The following PER1 variants were observed in gnomAD, a reference collection of about 807,000 sequenced individuals.
PER1 encodes period circadian protein homolog 1.
In PER1, 87 loss-of-function variants were observed where a neutral mutation model predicts 125.9. The ratio of observed to expected loss-of-function variants is 0.69; its 90% CI spans 0.58 to 0.83. The LOEUF (loss-of-function observed/expected upper bound fraction) is 0.83, where lower values mean the gene tolerates loss of function less well. Among genes scored for constraint, PER1 ranks in the 40% least tolerant of loss-of-function variants. The pLI, the probability that PER1 is intolerant of heterozygous loss-of-function variation, is 0.00. For missense variants in PER1, 1,775 were observed against 1,722.8 expected (o/e 1.03, Z -0.54); for synonymous variants, 801 against 714.7 (o/e 1.12, Z -1.93).
At chr17:8,151,327 T>A (rs910594298) in intron 1 of PER1, among the ~76,000 whole-genome samples, 17 of 152,156 alleles carry the variant, frequency 1.1e-4, no homozygotes, top group Non-Finnish European at 1.9e-4. Context: ...GAAACCGACG[T>A]CAGCTGCTGA....
At chr17:8,141,734 GC>G (rs1982090641) in intron 22 of PER1, 70 bp downstream of exon 22, 1 of 1,540,536 alleles carries the variant, frequency 6.5e-7, no homozygotes, top group Non-Finnish European at 8.8e-7. Context: ...TTGAACTTGA[GC>G]TCAATTCTTT....
At chr17:8,147,175 G>A (rs1982504301) in intron 13 of PER1, 75 bp downstream of exon 13, 2 of 1,525,474 alleles carry the variant, frequency 1.3e-6, no homozygotes, top group Admixed American at 2.0e-5. Flanking sequence ...GCAAGACTCT[G>A]GGACTGGCAG....
Position 8,141,947 on chromosome 17 carries a change from G to A in PER1, c.3458C>T (p.Thr1153Ile). ...CTCCCGATCCTGCTTCAGCACAGAG[G>A]TCATGTCCCTGCCCAAGAAGGGGTT... ...MTYQVPSRDM[T>I]SVLKQDRERL... Residue 1153 changes from threonine to isoleucine, a missense_variant, in exon 22 of 23, where the codon ACC becomes ATC. Thr to Ile is a moderately conservative substitution (Grantham distance 89, BLOSUM62 -1). Coordinates refer to ENST00000317276, the MANE Select transcript of PER1 (RefSeq NM_002616.3). 2 of 1,613,958 alleles carry A rather than the reference G, an allele frequency of 1.2e-6. No homozygotes were observed. The highest frequency in any genetic ancestry group is 8.5e-7 in the Non-Finnish European group (1 of 1,180,024).
chr17:8,149,081 T>A, intron 7 of PER1, 178 bp downstream of exon 7: 1 of 653,616 alleles, frequency 1.5e-6, no homozygotes, highest in Non-Finnish European at 2.7e-6. Context: ...CCCAGCTACT[T>A]GGGAGGCTGA....
At position 8,145,946 on chromosome 17, in the gene PER1, C is replaced by A. The variant is rs1211898553; in HGVS notation, c.2218+12G>T. On this transcript the variant is annotated intron_variant, in intron 17 of 22. Transcript: ENST00000317276. ...GGAGCCCAAGCACTGCCCCCCAATT[C>A]CACACCCATACCCGACTCCGGGGGC... The A allele has an allele frequency of 5.0e-6, 8 of 1,584,492 alleles. No individual in the cohort carries two copies. In the East Asian group the frequency reaches 1.8e-4, roughly 36 times the overall value.
At position 8,142,337 on chromosome 17, in the gene PER1, C is replaced by T. The variant is rs916589613; in HGVS notation, c.3381G>A (p.Gln1127=). ...PGDQVIKYVL[Q]DPIWLLMANA... is the part of the protein sequence containing the mutation. ...TGGCCATGAGCAGCCAAATGGGATC[C>T]TGGAGCACGTACTTAATCACCTGGT... Residue 1127 remains glutamine, a synonymous_variant, in exon 21 of 23, where the codon CAG becomes CAA. Coordinates refer to ENST00000317276, the MANE Select transcript of PER1 (RefSeq NM_002616.3). 6.2e-7 allele frequency: 1 copy of T among 1,613,704 alleles called. No individual in the cohort carries two copies. Among genetic ancestry groups the T allele is most frequent in the Admixed American group, 1.7e-5 (1 of 59,938 alleles).
chr17:8,148,092 A>AG lies in PER1; in HGVS notation c.1138dup (p.Leu380ProfsTer21), dbSNP rs1196410930. 6.2e-7 allele frequency: 1 copy of AG among 1,612,394 alleles called. No individual in the cohort carries two copies. Among genetic ancestry groups the AG allele is most frequent in the East Asian group, 2.2e-5 (1 of 44,864 alleles). On this transcript the variant is annotated frameshift_variant, in exon 10 of 23. Transcript: ENST00000317276. LOFTEE classifies it high-confidence loss of function. Reference sequence around the variant, plus strand: ...GAGGTCCTGGGGCAGGTAGCCCAGCAGGGGGGCAGCCCTGAACGGGAAGGA... The same window carrying AG: ...GAGGTCCTGGGGCAGGTAGCCCAGCAGGGGGGGCAGCCCTGAACGGGAAGGA...
In PER1 at chr17:8,149,768, G is replaced by T; in HGVS notation, c.638C>A (p.Thr213Lys). Residue 213 changes from threonine to lysine, a missense_variant, in exon 5 of 23, where the codon ACA (threonine) becomes AAA (lysine). Physicochemically the swap from Thr to Lys is moderately conservative, Grantham distance 78. Transcript: ENST00000317276. ...GCCGCCGCTGACCTGGTTCTGAAGT[G>T]TGTACTCAGACGTGATGTGCTCCAG... ...EELEHITSEY[T>K]LQNQDTFSVA... 1 of 1,612,962 alleles carries T rather than the reference G, an allele frequency of 6.2e-7. No individual in the cohort carries two copies. Among genetic ancestry groups the T allele is most frequent in the Non-Finnish European group, 8.5e-7 (1 of 1,180,014 alleles).
chr17:8,142,284 T>G lies in PER1; in HGVS notation c.3434A>C (p.Tyr1145Ser). Residue 1145 changes from tyrosine (Y) to serine (S), a missense_variant, in exon 21 of 23, where the codon TAC becomes TCC. Physicochemically the swap from Tyr to Ser is moderately radical, Grantham distance 144. Coordinates refer to ENST00000317276, the MANE Select transcript of PER1 (RefSeq NM_002616.3). ...ANADQRVMMT[Y>S]QVPSRDMTSV... ...AATGCCTCACCTGGAGGGCACCTGG[T>G]AGGTCATCATGACGCGCTGGTCAGC... The G allele has an allele frequency of 6.2e-7, 1 of 1,600,738 alleles. No individual in the cohort carries two copies. Among genetic ancestry groups the G allele is most frequent in the South Asian group, 1.1e-5 (1 of 89,024 alleles).
chr17:8,145,037 G>A, intron 17 of PER1, 44 bp from the exon 18 acceptor site: 4 of 1,432,434 alleles, frequency 2.8e-6, no homozygotes, highest in Non-Finnish European at 3.7e-6. Flanking sequence ...ACCACTTCAG[G>A]GGTCAACACA....
rs764632882 is a variant in PER1 at position 8,146,435 on chromosome 17, TGGTATAGGAGGAGGA to T, written c.1960_1974del (p.Ser654_Thr658del). 12 of 1,610,744 alleles carry T rather than the reference TGGTATAGGAGGAGGA, an allele frequency of 7.4e-6. No individual in the cohort carries two copies. Among genetic ancestry groups the T allele is most frequent in the Admixed American group, 1.7e-5 (1 of 59,714 alleles). ...CTGTCGTCGTCAGAGGCTGAGGAGGTGGTATAGGAGGAGGAGGAGGCACATTTACGCTTAGTGGTG... is the reference window on the plus strand; with the variant it reads ...CTGTCGTCGTCAGAGGCTGAGGAGGTGGAGGCACATTTACGCTTAGTGGTG... On this transcript the variant is annotated inframe_deletion, in exon 16 of 23. Coordinates refer to ENST00000317276, the MANE Select transcript of PER1 (RefSeq NM_002616.3).
Position 8,144,902 on chromosome 17 carries a change from T to C in PER1, c.2310A>G (p.Pro770=). ...TCAGCCCCACTGGACGGTAGGCGTC[T>C]GGGGCTGGGTCAGGGGCTACTGTGG... The part of the protein sequence containing the change: ...PSPTVAPDPA[P]DAYRPVGLTK... The change falls in exon 18 of 23, where the codon CCA becomes CCG. Residue 770 remains proline, a synonymous_variant. Coordinates refer to ENST00000317276, the MANE Select transcript of PER1 (RefSeq NM_002616.3). 6.5e-7 allele frequency: 1 copy of C among 1,548,154 alleles called. No individual in the cohort carries two copies. Among genetic ancestry groups the C allele is most frequent in the Non-Finnish European group, 8.7e-7 (1 of 1,142,990 alleles).
rs1982617626 is a variant in PER1, at chr17:8,148,669, T to C, written c.1023A>G (p.Ala341=). 6.2e-7 allele frequency: 1 copy of C among 1,612,228 alleles called. No homozygotes were observed. The highest frequency in any genetic ancestry group is 1.3e-5 in the African/African-American group (1 of 74,830). ...APAQPCCLLI[A]ERIHSGYEAP... ...CTTCGTAACCCGAATGGATGCGCTCTGCAATCAGCAGGCAGCACGGCTGTG... is the reference window on the plus strand; with the variant it reads ...CTTCGTAACCCGAATGGATGCGCTCCGCAATCAGCAGGCAGCACGGCTGTG... Residue 341 remains alanine (A), a synonymous_variant, in exon 8 of 23, where the codon GCA becomes GCG. Transcript: ENST00000317276.
chr17:8,147,092 G>A (rs1394374360), intron 13 of PER1, 90 bp from the exon 14 acceptor site: 1 of 1,389,946 alleles, frequency 7.2e-7, no homozygotes, highest in African/African-American at 1.4e-5. Flanking sequence ...GGTACCAGTG[G>A]GGAGGCACAG....
At chr17:8,150,390 C>T in intron 2 of PER1, 42 bp downstream of exon 2, 1 of 1,570,646 alleles carries the variant, frequency 6.4e-7, no homozygotes. Context: ...TCTGCCTGCT[C>T]ACAAGACCAT....
rs1982204360 is a variant in PER1, at chr17:8,143,382, G to C, written c.2956C>G (p.Leu986Val). The stretch of plus-strand genomic sequence containing the variant: ...CGGGGGAGCTCCTCCAGCTGCAGCA[G>C]ATTGAGCTGGAGTGGAGAGCTGCAT... ...SRCSSPLQLN[L>V]LQLEELPRAE... Residue 986 changes from leucine to valine, a missense_variant, in exon 19 of 23, where the codon CTG (leucine) becomes GTG (valine). By Grantham distance (32) the Leu-to-Val change is conservative. Coordinates refer to ENST00000317276, the MANE Select transcript of PER1 (RefSeq NM_002616.3). The C allele has an allele frequency of 6.2e-7, 1 of 1,613,610 alleles. No individual in the cohort carries two copies. The highest frequency in any genetic ancestry group is 8.5e-7 in the Non-Finnish European group (1 of 1,179,788).
In PER1 at chr17:8,150,910, C is replaced by T. The variant is rs1036256012; in HGVS notation, c.-139-65G>A. The T allele has an allele frequency of 1.6e-4, 85 of 536,768 alleles. 1 individual carries two copies. Among genetic ancestry groups the T allele is most frequent in the Non-Finnish European group, 2.5e-4 (76 of 307,364 alleles). 33.3% of individuals were successfully genotyped at this position (536,768 alleles called of 1,614,324 possible). ...GGTTTAACTCCAGAGCACCTGCTGG[C>T]TTCACTCAGACCTTCCCCCTGCCTG... is the stretch of plus-strand genomic sequence containing the variant. On this transcript the variant is annotated intron_variant, in intron 1 of 22. Transcript: ENST00000317276.
chr17:8,145,896 A>C, intron 17 of PER1, 62 bp downstream of exon 17: 2 of 1,518,030 alleles, frequency 1.3e-6, no homozygotes, highest in Non-Finnish European at 1.8e-6. Context: ...GAAAGGCAGG[A>C]GGGAGCTCTA....
chr17:8,141,774 C>CT lies in PER1; in HGVS notation c.3600+30dup, dbSNP rs150396482. On this transcript the variant is annotated intron_variant, in intron 22 of 22. Transcript: ENST00000317276. ...CTCCCCCTTGAACTTGAGCTCAATT[C>CT]TTTTTTCTCCCCGTCCCAGGCTTCT... is the stretch of plus-strand genomic sequence containing the variant. 2.7e-6 allele frequency: 4 copies of CT among 1,471,854 alleles called. No homozygotes were observed. In the African/African-American group the frequency reaches 6.1e-5, roughly 23 times the overall value. The allele number at this position is 1,471,854 out of a possible 1,614,324, so 91.2% of individuals were successfully genotyped here.
Sources: allele counts gnomAD v4.1 joint callset (sites outside exome capture counted in the v4.1 genomes callset), GRCh38; gene constraint gnomAD v4.1.1; transcripts MANE v1.5; gene names NCBI Gene and HGNC (gene_info 2026-07-23, HGNC 2026-07-21).